COL5A1: variants seen among roughly 807,000 people sequenced by gnomAD.
COL5A1 encodes collagen type V alpha 1 chain, also known as collagen alpha-1(V) chain.
COL5A1 carries 16 observed loss-of-function variants against 263.7 expected under a neutral mutation model. That is an observed-to-expected ratio of 0.06 (90% CI 0.04 to 0.09). COL5A1 has a LOEUF of 0.09. Among genes scored for constraint, COL5A1 ranks in the 10% least tolerant of loss-of-function variants. COL5A1 has a pLI of 1.00. For synonymous variants in COL5A1, 1,012 were observed against 1,004.5 expected (o/e 1.01, Z -0.14); for missense variants, 2,036 against 2,540.5 (o/e 0.80, Z 4.27).
At chr9:134,826,793 TTGTGGCTGGTGCAGGTGTGTGGGTG>T (rs1411687196) in intron 63 of COL5A1, among the ~76,000 whole-genome samples, 8 of 146,476 alleles carry the variant, frequency 5.5e-5, no homozygotes, top group African/African-American at 1.5e-4. Flanking sequence ...GTTTGGGTAC[TTGTGGCTGGTGCAGGTGTGTGGGTG>T]TGTGGCTGGT....
At chr9:134,654,628 G>GT (rs1831865191) in intron 1 of COL5A1, among the ~76,000 whole-genome samples, 1 of 129,006 alleles carries the variant, frequency 7.8e-6, no homozygotes, top group African/African-American at 3.0e-5. Flanking sequence ...TAGGGCTGGG[G>GT]GTGTGTAGGG....
chr9:134,642,250 C>G lies in COL5A1; in HGVS notation c.63C>G (p.Pro21=). 7.8e-7 allele frequency: 1 copy of G among 1,278,598 alleles called. No individual in the cohort carries two copies. Among genetic ancestry groups the G allele is most frequent in the Non-Finnish European group, 9.9e-7 (1 of 1,006,538 alleles). 79.2% of individuals were successfully genotyped at this position (1,278,598 alleles called of 1,614,324 possible). The change falls in exon 1 of 66, where the codon CCC becomes CCG. Residue 21 remains proline, a synonymous_variant. Transcript: ENST00000371817. This position sits in a 1 kb window ranked among gnomAD's most constrained non-coding sequence, Gnocchi z 4.5. Reference sequence around the variant, plus strand: ...TCCGCCCGGGCGCCCCGCTGCTGCCCCCGCTGCTGCTGCTGCTGCTGTGGG... The same window carrying G: ...TCCGCCCGGGCGCCCCGCTGCTGCCGCCGCTGCTGCTGCTGCTGCTGTGGG... The part of the protein sequence containing the change: ...SALRPGAPLL[P]PLLLLLLWAP...
chr9:134,672,647 C>T lies in COL5A1; in HGVS notation c.110-18265C>T, dbSNP rs115476121. On this transcript the variant is annotated intron_variant, in intron 1 of 65. Coordinates refer to ENST00000371817, the MANE Select transcript of COL5A1 (RefSeq NM_000093.5). ...CGTCTGCTCGTATCACACCTATTAA[C>T]ATTGTATGGAGATCCTAGCTGGTGA... 7.3e-3 allele frequency among the ~76,000 whole-genome samples: 1,112 copies of T among 152,260 alleles called. 15 individuals are homozygous for T. Among genetic ancestry groups the T allele is most frequent in the African/African-American group, 0.025 (1,057 of 41,540 alleles).
At chr9:134,730,623 C>T in intron 7 of COL5A1, 148 bp downstream of exon 7, 5 of 1,095,900 alleles carry the variant, frequency 4.6e-6, no homozygotes, top group Non-Finnish European at 6.7e-6. Context: ...TGGCCCTGGG[C>T]CCTTTGCAGC....
intron 63 of COL5A1, among the ~76,000 whole-genome samples, chr9:134,829,220 G>A (rs898688742): frequency 5.3e-5 from 8 of 152,250 alleles, no homozygotes; most frequent in Non-Finnish European, 1.0e-4. Flanking sequence ...AAAACGAGAG[G>A]CAGAGCGCAC....
At chr9:134,759,467 G>GCACACACACC (rs564514137) in intron 18 of COL5A1, among the ~76,000 whole-genome samples, 1 of 74,444 alleles carries the variant, frequency 1.3e-5, no homozygotes, top group African/African-American at 8.0e-5. Flanking sequence ...ATACATGCAC[G>GCACACACACC]CACACACACC....
chr9:134,744,745 GCACA>G (rs559580730), intron 11 of COL5A1, among the ~76,000 whole-genome samples: 1 of 150,482 alleles, frequency 6.6e-6, no homozygotes, highest in Non-Finnish European at 1.5e-5. Flanking sequence ...TCACACACCT[GCACA>G]CACATTCATG....
chr9:134,658,064 G>A lies in COL5A1; in HGVS notation c.109+15768G>A, dbSNP rs114397441. Among the ~76,000 whole-genome samples, 1,146 of 152,092 alleles carry A rather than the reference G, an allele frequency of 7.5e-3. 12 individuals are homozygous for A. Among genetic ancestry groups the A allele is most frequent in the East Asian group, 0.032 (164 of 5,160 alleles). On this transcript the variant is annotated intron_variant, in intron 1 of 65. Coordinates refer to ENST00000371817, the MANE Select transcript of COL5A1 (RefSeq NM_000093.5). ...GTCGCTGGGGAAAGCAACCCTGCCC[G>A]TCTCTTGCCACCGTCAGGGGACGGT...
Position 134,784,986 on chromosome 9 carries a change from C to T in COL5A1, c.2485-3C>T. The T allele has an allele frequency of 2.5e-6, 4 of 1,611,826 alleles. No individual in the cohort carries two copies. The highest frequency in any genetic ancestry group is 3.4e-6 in the Non-Finnish European group (4 of 1,178,800). On this transcript the variant is annotated splice_region_variant and splice_polypyrimidine_tract_variant and intron_variant, in intron 29 of 65. Coordinates refer to ENST00000371817, the MANE Select transcript of COL5A1 (RefSeq NM_000093.5). ...TTCTCACCTCCTCTTTTCTGGCTTG[C>T]AGGGGGAGATCGGCCCACCCGGTCC...
intron 4 of COL5A1, among the ~76,000 whole-genome samples, chr9:134,705,722 A>C (rs1027859198): frequency 1.3e-5 from 2 of 152,086 alleles, no homozygotes; most frequent in Non-Finnish European, 2.9e-5. Context: ...GCCCATTGTC[A>C]GTGGTCATCT....
At position 134,752,767 on chromosome 9, in the gene COL5A1, G is replaced by A. The variant is rs576287158; in HGVS notation, c.1719+122G>A. The A allele has an allele frequency of 1.0e-3, 788 of 763,666 alleles. 12 individuals carry two copies. The South Asian group carries it at 0.012, about 11-fold the overall frequency. 47.3% of individuals were successfully genotyped at this position (763,666 alleles called of 1,614,324 possible). A position where few individuals can be genotyped will look rare whatever the true frequency, so the allele number is the denominator to read the frequency against. On this transcript the variant is annotated intron_variant, in intron 14 of 65. Coordinates refer to ENST00000371817, the MANE Select transcript of COL5A1 (RefSeq NM_000093.5). Reference sequence around the variant, plus strand: ...TGGACACAGAGCGGCCCTTGGTCCAGTGCCTGTTCCCAGGAGGGTGGCCAG... The same window carrying A: ...TGGACACAGAGCGGCCCTTGGTCCAATGCCTGTTCCCAGGAGGGTGGCCAG...
At chr9:134,792,699 G>T (rs1467210616) in intron 32 of COL5A1, among the ~76,000 whole-genome samples, 1 of 152,122 alleles carries the variant, frequency 6.6e-6, no homozygotes, top group African/African-American at 2.4e-5. Flanking sequence ...AGATATTCCG[G>T]CCAGATGGAT....
At position 134,757,045 on chromosome 9, in the gene COL5A1, G is replaced by A. The variant is rs1836003459; in HGVS notation, c.1881+227G>A. Among the ~76,000 whole-genome samples the A allele has an allele frequency of 6.6e-6, 1 of 152,078 alleles. No homozygotes were observed. The highest frequency in any genetic ancestry group is 1.5e-5 in the Non-Finnish European group (1 of 68,032). On this transcript the variant is annotated intron_variant, in intron 17 of 65. Transcript: ENST00000371817. This position sits in a 1 kb window ranked among gnomAD's most constrained non-coding sequence, Gnocchi z 6.2. ...AGAAATTTGCTCCCTTCCAGCAGTGGCGAGCAGGGATGGGGGTGGGATCCC... is the reference window on the plus strand; with the variant it reads ...AGAAATTTGCTCCCTTCCAGCAGTGACGAGCAGGGATGGGGGTGGGATCCC...
rs1832892558 is a variant in COL5A1, at chr9:134,682,547, G to C, written c.110-8365G>C. 6.6e-6 allele frequency among the ~76,000 whole-genome samples: 1 copy of C among 152,238 alleles called. No homozygotes were observed. The highest frequency in any genetic ancestry group is 1.5e-5 in the Non-Finnish European group (1 of 68,042). ...GATGATACTAGAATCCTACCACACT[G>C]CCTGGTGGGGTGGGGGAGAGCCTGC... On this transcript the variant is annotated intron_variant, in intron 1 of 65. Transcript: ENST00000371817. The surrounding 1 kb of genome is among the most constrained non-coding windows in gnomAD (Gnocchi z 5.1).
Position 134,738,488 on chromosome 9 carries a change from G to A in COL5A1, c.1404G>A (p.Glu468=), listed in dbSNP as rs1370760570. 2 of 1,613,930 alleles carry A rather than the reference G, an allele frequency of 1.2e-6. No individual in the cohort carries two copies. The highest frequency in any genetic ancestry group is 1.7e-5 in the Admixed American group (1 of 60,012). Residue 468 remains glutamate, a synonymous_variant, in exon 10 of 66, where the codon GAG becomes GAA. Coordinates refer to ENST00000371817, the MANE Select transcript of COL5A1 (RefSeq NM_000093.5). ...PAIIEPGMLI[E]GPPGPEGPAG... is the part of the protein sequence containing the mutation. Reference sequence around the variant, plus strand: ...TGTCTCCCCAGGGCATGCTCATCGAGGGCCCGCCTGGCCCAGAAGGCCCCG... The same window carrying A: ...TGTCTCCCCAGGGCATGCTCATCGAAGGCCCGCCTGGCCCAGAAGGCCCCG...
intron 64 of COL5A1, among the ~76,000 whole-genome samples, chr9:134,834,638 A>G (rs1305889971): frequency 6.6e-6 from 1 of 152,204 alleles, no homozygotes; most frequent in Non-Finnish European, 1.5e-5. Flanking sequence ...TGGGGAGGGC[A>G]GCCACAGAGT....
chr9:134,684,545 A>G (rs1287659798), intron 1 of COL5A1, among the ~76,000 whole-genome samples: 1 of 152,246 alleles, frequency 6.6e-6, no homozygotes, highest in Admixed American at 6.5e-5. Context: ...CTGCTGGTCC[A>G]GGCCAGGAGC....
At chr9:134,695,658 G>T (rs1376084462) in intron 2 of COL5A1, among the ~76,000 whole-genome samples, 2 of 152,188 alleles carry the variant, frequency 1.3e-5, no homozygotes, top group Non-Finnish European at 2.9e-5. Flanking sequence ...GGGGTCCCAT[G>T]AAATAAGATG....
rs1025783527 is a variant in COL5A1, at chr9:134,700,841, C to A, written c.492-330C>A. On this transcript the variant is annotated intron_variant, in intron 3 of 65. Transcript: ENST00000371817. The surrounding 1 kb of genome is among the most constrained non-coding windows in gnomAD (Gnocchi z 4.0). The stretch of plus-strand genomic sequence containing the variant: ...CTGTGACCGCACCGCAGGGACCACG[C>A]TCCCAGGGACCACACTCCTGGGTCC... Among the ~76,000 whole-genome samples the A allele has an allele frequency of 6.6e-6, 1 of 152,140 alleles. No homozygotes were observed. The highest frequency in any genetic ancestry group is 1.5e-5 in the Non-Finnish European group (1 of 68,006).
Sources: allele counts gnomAD v4.1 joint callset (sites outside exome capture counted in the v4.1 genomes callset), GRCh38; gene constraint gnomAD v4.1.1; non-coding constraint Gnocchi (gnomAD v3.1); transcripts MANE v1.5; gene names NCBI Gene and HGNC (gene_info 2026-07-23, HGNC 2026-07-21).